SKI: variants seen among roughly 807,000 people sequenced by gnomAD.
SKI encodes the protein SKI proto-oncogene, also known as ski oncogene.
A neutral mutation model predicts 59.3 loss-of-function variants in SKI; 23 were observed. The ratio of observed to expected loss-of-function variants is 0.39; its 90% CI spans 0.28 to 0.55. The LOEUF is 0.55. SKI is among the 20% of genes least tolerant of loss of function. SKI has a pLI of 0.67. For synonymous variants in SKI, 673 were observed against 488.6 expected, an observed-to-expected ratio of 1.38 and a Z score of -4.98; for missense variants, 1,017 against 1,038.9, an observed-to-expected ratio of 0.98 and a Z score of 0.29.
Position 2,303,881 on chromosome 1 carries a change from A to G in SKI, c.1253A>G (p.Asn418Ser), listed in dbSNP as rs1557851516. The change falls in exon 4 of 7, where the codon AAC becomes AGC. Residue 418 changes from asparagine to serine, a missense_variant. Physicochemically the swap from Asn to Ser is conservative, Grantham distance 46 (BLOSUM62 1). Coordinates refer to ENST00000378536, the MANE Select transcript of SKI (RefSeq NM_003036.4). The surrounding 1 kb of genome is among the most constrained non-coding windows in gnomAD (Gnocchi z 5.6). Reference sequence around the variant, plus strand: ...AGCTTTGAGACAGCCGTGGCGCCCAACGTGGCCCTCGCACCGCCGGCCCAG... The same window carrying G: ...AGCTTTGAGACAGCCGTGGCGCCCAGCGTGGCCCTCGCACCGCCGGCCCAG... The part of the protein sequence containing the change: ...YKSFETAVAP[N>S]VALAPPAQQK... 1.2e-6 allele frequency: 2 copies of G among 1,612,414 alleles called. No individual in the cohort carries two copies. The highest frequency in any genetic ancestry group is 1.7e-6 in the Non-Finnish European group (2 of 1,179,818).
intron 1 of SKI, among the ~76,000 whole-genome samples, chr1:2,298,008 A>G (rs2643888): frequency 0.88 from 133,621 of 152,220 alleles, 58,869 homozygotes; most frequent in African/African-American, 0.95. Flanking sequence ...CCCGCACCAG[A>G]GTGCAGTTTT....
intron 1 of SKI, among the ~76,000 whole-genome samples, chr1:2,251,422 C>A (rs1045221540): frequency 6.6e-6 from 1 of 152,200 alleles, no homozygotes; most frequent in South Asian, 2.1e-4. Context: ...GCTCCCTCCC[C>A]CTGCCCCAGC....
chr1:2,306,801 C>T lies in SKI; in HGVS notation c.*36C>T. ...TGCCGCCGCAGCGCCGCCGACAACG[C>T]GGGTGCAGGGGGGCGCGGCTGGGCG... is the stretch of plus-strand genomic sequence containing the variant. On this transcript the variant is annotated 3_prime_UTR_variant, in exon 7 of 7. Transcript: ENST00000378536. 2 of 1,446,128 alleles carry T rather than the reference C, an allele frequency of 1.4e-6. No individual in the cohort carries two copies. The highest frequency in any genetic ancestry group is 1.8e-6 in the Non-Finnish European group (2 of 1,099,574). The allele number at this position is 1,446,128 out of a possible 1,614,324, so 89.6% of individuals were successfully genotyped here. A position where few individuals can be genotyped will look rare whatever the true frequency, so the allele number is the denominator to read the frequency against.
intron 1 of SKI, among the ~76,000 whole-genome samples, chr1:2,280,738 ATG>A (rs1321259930): frequency 5.0e-4 from 1 of 1,994 alleles, no homozygotes; most frequent in Non-Finnish European, 9.8e-4. Context: ...AGAGAGAGAG[ATG>A]CCCGAGAAGA....
intron 1 of SKI, among the ~76,000 whole-genome samples, chr1:2,230,188 G>A (rs1308061467): frequency 6.6e-6 from 1 of 152,232 alleles, no homozygotes; most frequent in African/African-American, 2.4e-5. Context: ...ACCCAGCCTC[G>A]AAGACGGAGG....
At chr1:2,232,008 G>C (rs1268295131) in intron 1 of SKI, among the ~76,000 whole-genome samples, 1 of 152,228 alleles carries the variant, frequency 6.6e-6, no homozygotes, top group Non-Finnish European at 1.5e-5. Flanking sequence ...CGACACATGA[G>C]AAGGGAGTGT....
Position 2,303,950 on chromosome 1 carries a change from G to T in SKI, c.1322G>T (p.Arg441Leu). The change falls in exon 4 of 7, where the codon CGG becomes CTG. Residue 441 changes from arginine to leucine, a missense_variant. Transcript: ENST00000378536. The surrounding 1 kb of genome is among the most constrained non-coding windows in gnomAD (Gnocchi z 5.6). ...CCTCCGTGTGCCGCCGCCGTCTCCC[G>T]GGCCCCCGAGCCTCTCGCCACTTGC... is the stretch of plus-strand genomic sequence containing the variant. ...SSPPCAAAVSRAPEPLATCTQ... is the reference protein window; with the variant it reads ...SSPPCAAAVSLAPEPLATCTQ... 6.2e-7 allele frequency: 1 copy of T among 1,611,810 alleles called. No individual in the cohort carries two copies. The highest frequency in any genetic ancestry group is 8.5e-7 in the Non-Finnish European group (1 of 1,179,606).
chr1:2,306,583 G>A lies in SKI; in HGVS notation c.2005G>A (p.Asp669Asn), dbSNP rs1640589052. Residue 669 changes from aspartate to asparagine, a missense_variant, in exon 7 of 7, where the codon GAC (aspartate) becomes AAC (asparagine). Transcript: ENST00000378536. ...CCACTCGGCTCCCTTTCAGATCGAAGACCTGCAGGTGAAGCTGCAGCACGC... is the reference window on the plus strand; with the variant it reads ...CCACTCGGCTCCCTTTCAGATCGAAAACCTGCAGGTGAAGCTGCAGCACGC... ...LRAKYSAQIE[D>N]LQVKLQHAEA... The A allele has an allele frequency of 7.8e-6, 12 of 1,542,634 alleles. No homozygotes were observed. The highest frequency in any genetic ancestry group is 1.0e-5 in the Non-Finnish European group (12 of 1,145,514).
intron 1 of SKI, among the ~76,000 whole-genome samples, chr1:2,275,422 C>T (rs1639719382): frequency 6.6e-6 from 1 of 152,230 alleles, no homozygotes; most frequent in Non-Finnish European, 1.5e-5. Flanking sequence ...TGGGTGTGGC[C>T]TGGCCGGTGT....
At position 2,270,475 on chromosome 1, in the gene SKI, G is replaced by A. The variant is rs1006795205; in HGVS notation, c.970-32503G>A. 6.6e-5 allele frequency among the ~76,000 whole-genome samples: 10 copies of A among 152,200 alleles called. No individual in the cohort carries two copies. Among genetic ancestry groups the A allele is most frequent in the Non-Finnish European group, 8.8e-5 (6 of 68,024 alleles). On this transcript the variant is annotated intron_variant, in intron 1 of 6. Transcript: ENST00000378536. This position sits in a 1 kb window ranked among gnomAD's most constrained non-coding sequence, Gnocchi z 4.1. ...TTGTCCCGTTTACGAGAGGTCAGGC[G>A]GTCACAGGGTAATGGGAGGCCTGTG...
Position 2,304,558 on chromosome 1 carries a change from C to G in SKI, c.1740C>G (p.Ala580=). ...AGCAGGAGGAGAAGCTCAGCGCAGC[C>G]CTGCAGGCCAAGCGCAGCCTCCACC... ...RVKQEEKLSA[A]LQAKRSLHQE... The change falls in exon 5 of 7, where the codon GCC becomes GCG. Residue 580 remains alanine (A), a synonymous_variant. Transcript: ENST00000378536. 1 of 1,567,760 alleles carries G rather than the reference C, an allele frequency of 6.4e-7. No homozygotes were observed.
Position 2,306,675 on chromosome 1 carries a change from G to T in SKI, c.2097G>T (p.Glu699Asp), listed in dbSNP as rs1265239870. ...LREREAREHL[E>D]KVVKELQEQL... ...AGCGCGAGGCCCGGGAGCACCTGGA[G>T]AAGGTGGTGAAGGAGCTGCAGGAAC... Residue 699 changes from glutamate (E) to aspartate (D), a missense_variant, in exon 7 of 7, where the codon GAG becomes GAT. Transcript: ENST00000378536. 6.5e-7 allele frequency: 1 copy of T among 1,544,730 alleles called. No homozygotes were observed. Among genetic ancestry groups the T allele is most frequent in the South Asian group, 1.2e-5 (1 of 83,766 alleles).
At chr1:2,279,140 G>A (rs919878475) in intron 1 of SKI, among the ~76,000 whole-genome samples, 5 of 152,194 alleles carry the variant, frequency 3.3e-5, no homozygotes, top group Admixed American at 1.3e-4. Flanking sequence ...GCCCTCCACC[G>A]CCCCATTGGG....
chr1:2,269,077 G>A lies in SKI; in HGVS notation c.970-33901G>A, dbSNP rs370843552. Among the ~76,000 whole-genome samples, 6 of 152,096 alleles carry A rather than the reference G, an allele frequency of 3.9e-5. No individual in the cohort carries two copies. Among genetic ancestry groups the A allele is most frequent in the African/African-American group, 1.2e-4 (5 of 41,406 alleles). Reference sequence around the variant, plus strand: ...TCCCACCTCAGCCTCATGAGTAGCCGAGACTACAGGCACACACCACTACAT... The same window carrying A: ...TCCCACCTCAGCCTCATGAGTAGCCAAGACTACAGGCACACACCACTACAT... On this transcript the variant is annotated intron_variant, in intron 1 of 6. Coordinates refer to ENST00000378536, the MANE Select transcript of SKI (RefSeq NM_003036.4). This position sits in a 1 kb window ranked among gnomAD's most constrained non-coding sequence, Gnocchi z 4.7.
chr1:2,282,710 C>T (rs72642132), intron 1 of SKI, among the ~76,000 whole-genome samples: 25 of 152,186 alleles, frequency 1.6e-4, no homozygotes, highest in Admixed American at 1.3e-4. Flanking sequence ...ACCCTTTACC[C>T]CCACCCAGGA....
intron 6 of SKI, 136 bp downstream of exon 6, chr1:2,306,386 C>T (rs986520369): frequency 3.1e-4 from 312 of 1,014,892 alleles, no homozygotes; most frequent in Non-Finnish European, 3.9e-4. Context: ...GCGTGCCCCC[C>T]CGACGGGCAC....
At position 2,305,983 on chromosome 1, in the gene SKI, G is replaced by T. The variant is rs371112942; in HGVS notation, c.1768-37G>T. 1.9e-4 allele frequency: 277 copies of T among 1,480,716 alleles called. 1 individual carries two copies. The highest frequency in any genetic ancestry group is 2.4e-4 in the Non-Finnish European group (262 of 1,082,964). The allele number at this position is 1,480,716 out of a possible 1,614,324, so 91.7% of individuals were successfully genotyped here. On this transcript the variant is annotated intron_variant, in intron 5 of 6. Transcript: ENST00000378536. Reference sequence around the variant, plus strand: ...TCATGGTGAGGGGTGTGCTGGGACCGGCTGGGCAGTGACCCCGAGCCGCCT... The same window carrying T: ...TCATGGTGAGGGGTGTGCTGGGACCTGCTGGGCAGTGACCCCGAGCCGCCT...
intron 1 of SKI, among the ~76,000 whole-genome samples, chr1:2,283,696 G>T (rs988831111): frequency 3.3e-5 from 5 of 152,228 alleles, no homozygotes; most frequent in African/African-American, 1.2e-4. Flanking sequence ...TGCATGTGGG[G>T]TGCTGGGGTG....
chr1:2,287,495 C>A (rs1184680027), intron 1 of SKI, among the ~76,000 whole-genome samples: 3 of 151,914 alleles, frequency 2.0e-5, no homozygotes, highest in African/African-American at 4.8e-5. Context: ...CGCCACCACG[C>A]CCAGCTAATT....
Sources: gnomAD v4.1 joint callset for allele counts (sites outside exome capture counted in the v4.1 genomes callset) on GRCh38, gnomAD v4.1.1 for gene constraint, Gnocchi (gnomAD v3.1) non-coding constraint, MANE v1.5 for transcripts, NCBI Gene and HGNC (gene_info 2026-07-23, HGNC 2026-07-21) for gene names.